MYOF: variants seen among roughly 807,000 people sequenced by gnomAD.
MYOF encodes the protein fer-1-like 3, myoferlin.
A neutral mutation model predicts 284.2 loss-of-function variants in MYOF; 244 were observed. The ratio of observed to expected loss-of-function variants is 0.86; its 90% CI spans 0.77 to 0.95. The LOEUF (loss-of-function observed/expected upper bound fraction) is 0.95. Ranked by LOEUF, MYOF falls within the 40% of genes least tolerant of loss-of-function variation. The probability of loss-of-function intolerance (pLI) is 0.00; values close to 1 mark genes in which losing one functional copy is unlikely to be tolerated. For synonymous variants in MYOF, 904 were observed against 919.7 expected (o/e 0.98, Z 0.31); for missense variants, 2,496 against 2,560.6 (o/e 0.97, Z 0.54).
At chr10:93,373,227 A>C (rs1845672343) in intron 23 of MYOF, 142 bp from the exon 24 acceptor site, 2 of 974,264 alleles carry the variant, frequency 2.1e-6, no homozygotes. Context: ...CAAATTCCTG[A>C]GCTCCCATCT....
At chr10:93,374,592 T>C (rs1014660341) in intron 23 of MYOF, among the ~76,000 whole-genome samples, 171 bp downstream of exon 23, 1 of 152,252 alleles carries the variant, frequency 6.6e-6, no homozygotes, top group African/African-American at 2.4e-5. Context: ...TTCAATCACA[T>C]TCATCATTAG....
chr10:93,423,831 T>TAA (rs1297927506), intron 5 of MYOF, among the ~76,000 whole-genome samples: 2 of 122,234 alleles, frequency 1.6e-5, no homozygotes, highest in Non-Finnish European at 1.8e-5. Context: ...AGACTCTGTC[T>TAA]AAAAAAAAAA....
intron 19 of MYOF, 100 bp from the exon 20 acceptor site, chr10:93,381,496 C>A (rs1846110283): frequency 1.3e-5 from 16 of 1,217,888 alleles, no homozygotes; most frequent in Non-Finnish European, 1.6e-5. Flanking sequence ...ATAATTAGTG[C>A]TGAATTAAAT....
intron 5 of MYOF, among the ~76,000 whole-genome samples, chr10:93,420,289 C>G (rs141447669): frequency 6.6e-6 from 1 of 152,242 alleles, no homozygotes; most frequent in East Asian, 1.9e-4. Context: ...CTTCCAGCTA[C>G]GGGAATGTAG....
chr10:93,384,932 C>T lies in MYOF; in HGVS notation c.1698+2865G>A, dbSNP rs545252505. On this transcript the variant is annotated intron_variant, in intron 19 of 53. Coordinates refer to ENST00000359263, the MANE Select transcript of MYOF (RefSeq NM_013451.4). ...TGAACACTGCCCAGCATGCCACCTT[C>T]GGTATGTCTACTGAAGGGAGCTGAT... Among the ~76,000 whole-genome samples, 22 of 152,280 alleles carry T rather than the reference C, an allele frequency of 1.4e-4. No homozygotes were observed. The South Asian group carries it at 4.6e-3, about 32-fold the overall frequency.
intron 25 of MYOF, among the ~76,000 whole-genome samples, chr10:93,369,270 T>TGCGTGTGTGCGTGG (rs1564656113): frequency 0.016 from 2,404 of 152,066 alleles, 56 homozygotes; most frequent in African/African-American, 0.053. Context: ...TGTGTGTGTG[T>TGCGTGTGTGCGTGG]GTGTGTATAC....
chr10:93,458,639 AG>A (rs1383777476), intron 1 of MYOF, among the ~76,000 whole-genome samples: 1 of 152,160 alleles, frequency 6.6e-6, no homozygotes, highest in Non-Finnish European at 1.5e-5. Context: ...CTGAGGCAGG[AG>A]AATCACTTGA....
At chr10:93,320,653 G>C (rs1056518614) in intron 48 of MYOF, among the ~76,000 whole-genome samples, 4 of 152,030 alleles carry the variant, frequency 2.6e-5, no homozygotes, top group Admixed American at 6.6e-5. Context: ...CTGGCACATA[G>C]TAGACACTAG....
In MYOF at chr10:93,433,944, C is replaced by T. The variant is rs557874586; in HGVS notation, c.237-2428G>A. 3.3e-5 allele frequency among the ~76,000 whole-genome samples: 5 copies of T among 152,228 alleles called. No homozygotes were observed. In the East Asian group the frequency reaches 7.7e-4, roughly 23 times the overall value. On this transcript the variant is annotated intron_variant, in intron 3 of 53. Coordinates refer to ENST00000359263, the MANE Select transcript of MYOF (RefSeq NM_013451.4). Reference sequence around the variant, plus strand: ...AGAGACTTGGCAATATTAATAAGTGCCTTCACTTTCTATGAATAGGATATT... The same window carrying T: ...AGAGACTTGGCAATATTAATAAGTGTCTTCACTTTCTATGAATAGGATATT...
At chr10:93,397,336 G>A (rs377738234) in intron 14 of MYOF, 46 bp from the exon 15 acceptor site, 76 of 1,590,038 alleles carry the variant, frequency 4.8e-5, no homozygotes, top group Admixed American at 6.8e-5. Context: ...CAATGATTTA[G>A]TAATTATTAA....
chr10:93,401,296 T>C, intron 12 of MYOF, 122 bp downstream of exon 12: 2 of 1,375,184 alleles, frequency 1.5e-6, no homozygotes, highest in South Asian at 1.4e-5. Flanking sequence ...AATAAGCCCA[T>C]GAAGCCCTTT....
At chr10:93,351,005 T>C (rs149202314) in intron 35 of MYOF, among the ~76,000 whole-genome samples, 192 bp downstream of exon 35, 30 of 152,330 alleles carry the variant, frequency 2.0e-4, no homozygotes, top group African/African-American at 6.5e-4. Context: ...TCAGGAATGT[T>C]AGAATTGACC....
intron 1 of MYOF, among the ~76,000 whole-genome samples, chr10:93,468,950 A>C (rs779713823): frequency 6.6e-6 from 1 of 152,212 alleles, no homozygotes; most frequent in East Asian, 1.9e-4. Flanking sequence ...CAAAGGACCA[A>C]GCATCCCAAG....
At chr10:93,392,711 A>G (rs1846756820) in intron 17 of MYOF, among the ~76,000 whole-genome samples, 1 of 152,234 alleles carries the variant, frequency 6.6e-6, no homozygotes, top group East Asian at 1.9e-4. Context: ...AGCATGGGAC[A>G]TGGAGCAAAG....
chr10:93,419,658 A>G (rs1482375952), intron 5 of MYOF, among the ~76,000 whole-genome samples: 1 of 152,324 alleles, frequency 6.6e-6, no homozygotes, highest in East Asian at 1.9e-4. Flanking sequence ...TGTTTCCTAT[A>G]TAACAATTTG....
intron 26 of MYOF, 69 bp from the exon 27 acceptor site, chr10:93,364,144 A>C: frequency 1.5e-6 from 2 of 1,330,682 alleles, no homozygotes; most frequent in Non-Finnish European, 2.1e-6. Flanking sequence ...GATTGCCAAC[A>C]CTCAGGAAGC....
chr10:93,363,909 A>G, intron 27 of MYOF, 52 bp downstream of exon 27: 2 of 1,556,934 alleles, frequency 1.3e-6, no homozygotes, highest in Middle Eastern at 1.7e-4. Flanking sequence ...TTCCCCGCAG[A>G]TCACGATCAG....
chr10:93,432,942 T>C (rs1218914935), intron 3 of MYOF, among the ~76,000 whole-genome samples: 1 of 152,024 alleles, frequency 6.6e-6, no homozygotes, highest in Non-Finnish European at 1.5e-5. Context: ...GGGAACATGA[T>C]CAAAAACACA....
intron 5 of MYOF, 126 bp from the exon 6 acceptor site, chr10:93,409,865 G>GCGACCACT: frequency 8.5e-7 from 1 of 1,174,972 alleles, no homozygotes; most frequent in Non-Finnish European, 1.2e-6. Context: ...GGCAGGTGAA[G>GCGACCACT]GAGATCCTCT....
Sources: allele counts gnomAD v4.1 joint callset (sites outside exome capture counted in the v4.1 genomes callset), GRCh38; gene constraint gnomAD v4.1.1; transcripts MANE v1.5; gene names NCBI Gene and HGNC (gene_info 2026-07-23, HGNC 2026-07-21).